The following SNX29 variants were observed in gnomAD, a reference collection of about 807,000 sequenced individuals.
SNX29 encodes the protein sorting nexin-29.
A neutral mutation model predicts 102.1 loss-of-function variants in SNX29; 78 were observed. The ratio of observed to expected loss-of-function variants is 0.76; its 90% CI spans 0.64 to 0.92. The LOEUF (loss-of-function observed/expected upper bound fraction) is 0.92. SNX29 is among the 40% of genes least tolerant of loss of function. The pLI, the probability that SNX29 is intolerant of heterozygous loss-of-function variation, is 0.00. For synonymous variants in SNX29, 580 were observed against 414.5 expected (o/e 1.40, Z -4.85); for missense variants, 1,280 against 1,061.7 (o/e 1.21, Z -2.86).
chr16:12,488,529 A>G (rs1379796506), intron 19 of SNX29, among the ~76,000 whole-genome samples: 1 of 152,172 alleles, frequency 6.6e-6, no homozygotes, highest in Admixed American at 6.5e-5. Context: ...GATCTGTCAC[A>G]GTGCCGGGTA....
intron 13 of SNX29, chr16:12,135,544 T>C (rs1353255093): frequency 1.5e-6 from 2 of 1,324,242 alleles, no homozygotes; most frequent in South Asian, 2.5e-5. Context: ...TGCTATTTTG[T>C]TGGCAGCTAT....
chr16:12,549,584 A>C (rs1242493415), intron 20 of SNX29, among the ~76,000 whole-genome samples: 1 of 152,094 alleles, frequency 6.6e-6, no homozygotes, highest in Non-Finnish European at 1.5e-5. Flanking sequence ...CAGCCCTAAG[A>C]CCTGCACCTT....
intron 4 of SNX29, among the ~76,000 whole-genome samples, chr16:12,037,427 C>G (rs1352171810): frequency 4.6e-5 from 7 of 152,110 alleles, no homozygotes; most frequent in Non-Finnish European, 4.4e-5. Context: ...TAGTGAGACA[C>G]TCACTTTGGC....
At chr16:12,188,991 C>T (rs527852690) in intron 13 of SNX29, among the ~76,000 whole-genome samples, 1 of 152,124 alleles carries the variant, frequency 6.6e-6, no homozygotes, top group Non-Finnish European at 1.5e-5. Flanking sequence ...GGCAGGAGGG[C>T]ACATGGCAGG....
At position 12,080,845 on chromosome 16, in the gene SNX29, G is replaced by T; in HGVS notation, c.1402+1930G>T. 2.0e-5 allele frequency among the ~76,000 whole-genome samples: 3 copies of T among 151,236 alleles called. No homozygotes were observed. The Middle Eastern group carries it at 0.01, about 525-fold the overall frequency. ...TAGCTGGGATTACAGGCCCACGCCC[G>T]GCTAATTTTTGTATTTTTAGTAGAG... On this transcript the variant is annotated intron_variant, in intron 11 of 20. Coordinates refer to ENST00000566228, the MANE Select transcript of SNX29 (RefSeq NM_032167.5).
chr16:12,505,921 C>G (rs924333762), intron 19 of SNX29, among the ~76,000 whole-genome samples: 1 of 152,000 alleles, frequency 6.6e-6, no homozygotes, highest in African/African-American at 2.4e-5. Context: ...TTCTTTTGAT[C>G]ATATTTTGTA....
Position 12,568,850 on chromosome 16 carries a change from A to T in SNX29, c.*221A>T, listed in dbSNP as rs997403622. Reference sequence around the variant, plus strand: ...ACCAAGGCAGCACCTCGCTGGAGAGACTGGGACACACAGTCCTTCTGCTTC... The same window carrying T: ...ACCAAGGCAGCACCTCGCTGGAGAGTCTGGGACACACAGTCCTTCTGCTTC... On this transcript the variant is annotated 3_prime_UTR_variant, in exon 21 of 21. Transcript: ENST00000566228. 1 of 655,062 alleles carries T rather than the reference A, an allele frequency of 1.5e-6. No individual in the cohort carries two copies. Among genetic ancestry groups the T allele is most frequent in the African/African-American group, 1.8e-5 (1 of 54,444 alleles). The allele number at this position is 655,062 out of a possible 1,614,324, so 40.6% of individuals were successfully genotyped here.
At chr16:12,278,109 G>C in intron 15 of SNX29, 73 bp downstream of exon 15, 1 of 1,374,546 alleles carries the variant, frequency 7.3e-7, no homozygotes, top group Non-Finnish European at 1.0e-6. Context: ...GGTAGGTCCA[G>C]CCTATTCTAA....
chr16:12,250,381 G>A (rs2078386565), intron 14 of SNX29, among the ~76,000 whole-genome samples: 1 of 152,224 alleles, frequency 6.6e-6, no homozygotes, highest in African/African-American at 2.4e-5. Context: ...AGAAGCCACA[G>A]GTGGGAGCCG....
At chr16:12,255,419 T>C (rs1041573368) in intron 14 of SNX29, among the ~76,000 whole-genome samples, 11 of 152,152 alleles carry the variant, frequency 7.2e-5, no homozygotes, top group Non-Finnish European at 1.3e-4. Flanking sequence ...GTGAGCCACT[T>C]TGTTCTGCTA....
chr16:12,321,325 C>T (rs1458710941), intron 15 of SNX29, among the ~76,000 whole-genome samples: 1 of 152,152 alleles, frequency 6.6e-6, no homozygotes, highest in Non-Finnish European at 1.5e-5. Flanking sequence ...TTCACTGTGT[C>T]CTGGAGGAAT....
In SNX29 at chr16:12,572,361, T is replaced by C. The variant is rs899236460; in HGVS notation, c.*3732T>C. ...CCTGCCTGGTTGATGGACAGCAGGC[T>C]CTGCCTTCTGGAGGCGGCTTATATC... On this transcript the variant is annotated 3_prime_UTR_variant, in exon 21 of 21. Coordinates refer to ENST00000566228, the MANE Select transcript of SNX29 (RefSeq NM_032167.5). 9.4e-7 allele frequency: 1 copy of C among 1,063,002 alleles called. No homozygotes were observed. The highest frequency in any genetic ancestry group is 1.1e-6 in the Non-Finnish European group (1 of 877,784). 65.8% of individuals were successfully genotyped at this position (1,063,002 alleles called of 1,614,324 possible).
At chr16:12,276,640 C>G (rs971247119) in intron 14 of SNX29, among the ~76,000 whole-genome samples, 1 of 152,184 alleles carries the variant, frequency 6.6e-6, no homozygotes, top group Admixed American at 6.5e-5. Context: ...ATCATTGATG[C>G]TTGTTTTGAG....
intron 1 of SNX29, among the ~76,000 whole-genome samples, chr16:11,991,724 T>C (rs2150989100): frequency 6.7e-6 from 1 of 149,448 alleles, no homozygotes; most frequent in South Asian, 2.1e-4. Flanking sequence ...TTTTTTTTTT[T>C]TTTTTTTCCA....
chr16:11,978,617 A>G (rs953540135), intron 1 of SNX29, among the ~76,000 whole-genome samples: 2 of 152,086 alleles, frequency 1.3e-5, no homozygotes, highest in African/African-American at 4.8e-5. Context: ...GAGGGCTGGG[A>G]CTAGGCACTG....
intron 14 of SNX29, among the ~76,000 whole-genome samples, chr16:12,209,617 G>A (rs967155057): frequency 6.6e-6 from 1 of 152,052 alleles, no homozygotes; most frequent in Non-Finnish European, 1.5e-5. Flanking sequence ...GTAGGTGGCT[G>A]AAGGGATGCT....
At chr16:12,400,791 A>G (rs892978924) in intron 17 of SNX29, among the ~76,000 whole-genome samples, 9 of 152,170 alleles carry the variant, frequency 5.9e-5, no homozygotes, top group African/African-American at 1.9e-4. Context: ...CAGCTCTACA[A>G]TAAGACTTGA....
chr16:12,182,037 C>A (rs1266713190), intron 13 of SNX29, among the ~76,000 whole-genome samples: 1 of 152,050 alleles, frequency 6.6e-6, no homozygotes, highest in Non-Finnish European at 1.5e-5. Context: ...GCATGCGCCA[C>A]CACGCCTGGT....
At chr16:12,000,570 C>T (rs1040543251) in intron 2 of SNX29, 1 of 152,052 alleles carries the variant, frequency 6.6e-6, no homozygotes, top group African/African-American at 2.4e-5. Flanking sequence ...GTTGCCTAGG[C>T]TAGAGCGCAG....
Sources: allele counts gnomAD v4.1 joint callset (sites outside exome capture counted in the v4.1 genomes callset), GRCh38; gene constraint gnomAD v4.1.1; transcripts MANE v1.5; gene names NCBI Gene and HGNC (gene_info 2026-07-23, HGNC 2026-07-21).